NUP160: variants seen among roughly 807,000 people sequenced by gnomAD.
NUP160 encodes the protein nucleoporin 160.
NUP160 carries 94 observed loss-of-function variants against 196.9 expected under a neutral mutation model. The observed-to-expected ratio is 0.48, with a 90% CI of 0.40 to 0.57. NUP160 has a LOEUF of 0.57. Among genes scored for constraint, NUP160 ranks in the 20% least tolerant of loss-of-function variants. NUP160 has a pLI of 0.00. For synonymous variants in NUP160, 605 were observed against 619.7 expected (o/e 0.98, Z 0.35); for missense variants, 1,638 against 1,748.3 (o/e 0.94, Z 1.13).
intron 35 of NUP160, chr11:47,779,553 G>C (rs1404670868): frequency 1.9e-6 from 1 of 519,860 alleles, no homozygotes; most frequent in Non-Finnish European, 3.8e-6. Context: ...TTTTAGATAG[G>C]CTCAGGAGGC....
At position 47,836,798 on chromosome 11, in the gene NUP160, TA is replaced by T. The variant is rs1599346399; in HGVS notation, c.942+88del. On this transcript the variant is annotated intron_variant, in intron 6 of 35. Coordinates refer to ENST00000378460, the Ensembl canonical transcript of NUP160. Reference sequence around the variant, plus strand: ...ATAAGTTCCAAACCAATTGATCTAATAATCTTTAGAGAAACAGCAAAATTTA... The same window carrying T: ...ATAAGTTCCAAACCAATTGATCTAATATCTTTAGAGAAACAGCAAAATTTA... The T allele has an allele frequency of 3.9e-6, 3 of 762,278 alleles. No homozygotes were observed. In the East Asian group the frequency reaches 7.4e-5, roughly 19 times the overall value. The allele number at this position is 762,278 out of a possible 1,614,324, so 47.2% of individuals were successfully genotyped here.
At position 47,840,370 on chromosome 11, in the gene NUP160, C is replaced by G; in HGVS notation, c.525+8G>C. The G allele has an allele frequency of 2.5e-6, 4 of 1,609,572 alleles. No individual in the cohort carries two copies. Among genetic ancestry groups the G allele is most frequent in the Non-Finnish European group, 3.4e-6 (4 of 1,175,894 alleles). Reference sequence around the variant, plus strand: ...GGAAATAAAAGATATTGCACTTAGCCAACTTACACTCCTATACATCCGGGA... The same window carrying G: ...GGAAATAAAAGATATTGCACTTAGCGAACTTACACTCCTATACATCCGGGA... On this transcript the variant is annotated splice_region_variant and intron_variant, in intron 3 of 35. Coordinates refer to ENST00000378460, the Ensembl canonical transcript of NUP160.
At chr11:47,791,602 A>G (rs1021756871) in intron 29 of NUP160, among the ~76,000 whole-genome samples, 1 of 152,118 alleles carries the variant, frequency 6.6e-6, no homozygotes, top group African/African-American at 2.4e-5. Context: ...CGGCCTCCCA[A>G]GGTGCTGGGA....
intron 7 of NUP160, among the ~76,000 whole-genome samples, chr11:47,823,676 A>G (rs913158966): frequency 6.6e-6 from 1 of 151,846 alleles, no homozygotes. Context: ...CTGGGACTAC[A>G]GGCGCCTGTC....
chr11:47,789,454 G>T (rs1324289586), intron 29 of NUP160, among the ~76,000 whole-genome samples: 1 of 151,980 alleles, frequency 6.6e-6, no homozygotes, highest in Non-Finnish European at 1.5e-5. Flanking sequence ...ATGCCTCTGT[G>T]GAAATAGCAA....
chr11:47,841,079 A>T (rs1228556170), intron 2 of NUP160, among the ~76,000 whole-genome samples: 1 of 152,248 alleles, frequency 6.6e-6, no homozygotes, highest in Non-Finnish European at 1.5e-5. Context: ...CAAAAATATT[A>T]CAAAAATAAA....
intron 2 of NUP160, among the ~76,000 whole-genome samples, chr11:47,846,515 T>G (rs1852405606): frequency 6.6e-6 from 1 of 152,134 alleles, no homozygotes; most frequent in Non-Finnish European, 1.5e-5. Context: ...CAGGGAGCTG[T>G]CCTTGTTCTC....
In NUP160 at chr11:47,785,070, A is replaced by G. The variant is rs1403103741; in HGVS notation, c.3849-7T>C. On this transcript the variant is annotated splice_polypyrimidine_tract_variant and splice_region_variant and intron_variant, in intron 32 of 35. Transcript: ENST00000378460. ...CCATGCTTCATCTGTAGCACTTGAA[A>G]AAAACAAAAATGACTAATGAGTTTC... 6 of 1,416,272 alleles carry G rather than the reference A, an allele frequency of 4.2e-6. No individual in the cohort carries two copies. Among genetic ancestry groups the G allele is most frequent in the Non-Finnish European group, 4.7e-6 (5 of 1,064,540 alleles). 87.7% of individuals were successfully genotyped at this position (1,416,272 alleles called of 1,614,324 possible). A position where few individuals can be genotyped will look rare whatever the true frequency, so the allele number is the denominator to read the frequency against.
At chr11:47,784,351 A>G (rs573126936) in intron 33 of NUP160, among the ~76,000 whole-genome samples, 1 of 152,316 alleles carries the variant, frequency 6.6e-6, no homozygotes, top group Admixed American at 6.5e-5. Flanking sequence ...GAAGGAACCA[A>G]TCGGAAACTG....
intron 27 of NUP160, among the ~76,000 whole-genome samples, chr11:47,796,915 A>C (rs1599312696): frequency 6.6e-6 from 1 of 152,106 alleles, no homozygotes; most frequent in Non-Finnish European, 1.5e-5. Context: ...CTGGTCTCGA[A>C]CTCCTGACAT....
intron 35 of NUP160, among the ~76,000 whole-genome samples, chr11:47,779,883 A>G (rs1447077653): frequency 6.6e-6 from 1 of 152,124 alleles, no homozygotes; most frequent in Non-Finnish European, 1.5e-5. Context: ...GCCCGCCACC[A>G]TGCCTGGCTA....
At chr11:47,800,387 GT>G (rs766123187) in intron 23 of NUP160, among the ~76,000 whole-genome samples, 1 of 151,378 alleles carries the variant, frequency 6.6e-6, no homozygotes, top group East Asian at 1.9e-4. Flanking sequence ...AAAGTAGAGG[GT>G]TTTTTTCTTT....
chr11:47,784,984 C>T (rs765988996), exon 33 of NUP160: 1 of 1,603,772 alleles, frequency 6.2e-7, no homozygotes, highest in Non-Finnish European at 8.5e-7. Context: ...TTGTTGATTA[C>T]ACAGTGGTGA....
intron 23 of NUP160, among the ~76,000 whole-genome samples, chr11:47,800,595 T>C (rs1255588516): frequency 6.6e-6 from 1 of 152,074 alleles, no homozygotes; most frequent in Non-Finnish European, 1.5e-5. Flanking sequence ...TTTCACCATG[T>C]TGGTCAGGCT....
At position 47,807,064 on chromosome 11, in the gene NUP160, C is replaced by A. The variant is rs772965864; in HGVS notation, c.2446+6G>T. The A allele has an allele frequency of 6.3e-7, 1 of 1,594,480 alleles. No homozygotes were observed. Among genetic ancestry groups the A allele is most frequent in the South Asian group, 1.1e-5 (1 of 90,572 alleles). On this transcript the variant is annotated splice_donor_region_variant and intron_variant, in intron 19 of 35. Transcript: ENST00000378460. ...AAATGAAATGTGTACATAGTCCACT[C>A]CTTACCAAACCTATTTGCCATTAAA... is the stretch of plus-strand genomic sequence containing the variant.
intron 13 of NUP160, among the ~76,000 whole-genome samples, chr11:47,814,170 A>AAC: frequency 6.6e-6 from 1 of 151,528 alleles, no homozygotes; most frequent in African/African-American, 2.4e-5. Context: ...ACAAACAAAA[A>AAC]AAAGAAACAA....
intron 2 of NUP160, among the ~76,000 whole-genome samples, chr11:47,843,734 C>T (rs1852349735): frequency 6.6e-6 from 1 of 152,210 alleles, no homozygotes; most frequent in Non-Finnish European, 1.5e-5. Flanking sequence ...GAAGACTTAG[C>T]TGACAATAAT....
At chr11:47,839,647 C>A in intron 4 of NUP160, 196 bp downstream of exon 4, 1 of 582,048 alleles carries the variant, frequency 1.7e-6, no homozygotes, top group Non-Finnish European at 3.1e-6. Flanking sequence ...TTTGTTTTTC[C>A]GTGCTCCAAT....
intron 34 of NUP160, among the ~76,000 whole-genome samples, chr11:47,782,641 TTTATTTATTTA>T (rs1322478982): frequency 3.7e-4 from 56 of 151,612 alleles, no homozygotes; most frequent in African/African-American, 1.3e-3. Context: ...GTATGAGTAT[TTTATTTATTTA>T]TTATTTATTT....
Sources: allele counts gnomAD v4.1 joint callset (sites outside exome capture counted in the v4.1 genomes callset), GRCh38; gene constraint gnomAD v4.1.1; transcripts MANE v1.5; gene names NCBI Gene and HGNC (gene_info 2026-07-23, HGNC 2026-07-21).